KLF12: variants seen among roughly 807,000 people sequenced by gnomAD.
KLF12 encodes Krueppel-like factor 12.
In KLF12, 9 loss-of-function variants were observed where a neutral mutation model predicts 37.8. The ratio of observed to expected loss-of-function variants is 0.24; its 90% CI spans 0.14 to 0.42. KLF12 has a LOEUF of 0.42. Ranked by LOEUF, KLF12 falls within the 10% of genes least tolerant of loss-of-function variation. KLF12 has a pLI of 1.00. For synonymous variants in KLF12, 208 were observed against 202.1 expected (o/e 1.03, Z -0.25); for missense variants, 411 against 516.0 (o/e 0.80, Z 1.97).
intron 5 of KLF12, among the ~76,000 whole-genome samples, chr13:73,783,320 G>T (rs1348328608): frequency 6.6e-6 from 1 of 152,118 alleles, no homozygotes; most frequent in Admixed American, 6.6e-5. Context: ...ACCAGAGGCT[G>T]GGAAGGGAGT....
At chr13:73,884,173 C>A (rs192433652) in intron 3 of KLF12, among the ~76,000 whole-genome samples, 1 of 152,240 alleles carries the variant, frequency 6.6e-6, no homozygotes, top group African/African-American at 2.4e-5. Flanking sequence ...ATTAACAGTA[C>A]CTGCCCTCCT....
intron 3 of KLF12, among the ~76,000 whole-genome samples, chr13:73,902,072 T>C (rs1888066883): frequency 6.6e-6 from 1 of 152,228 alleles, no homozygotes; most frequent in Non-Finnish European, 1.5e-5. Flanking sequence ...AATGTGCTGA[T>C]TTTAAAGGCC....
chr13:74,245,932 G>A, the KLF12 span, among the ~76,000 whole-genome samples: 475 of 152,272 alleles, frequency 3.1e-3, 3 homozygotes, highest in African/African-American at 0.011. Context: ...TGATCGCATG[G>A]CAAAGCTGAG....
At chr13:73,843,459 C>A (rs1004640446) in intron 4 of KLF12, among the ~76,000 whole-genome samples, 6 of 152,104 alleles carry the variant, frequency 3.9e-5, no homozygotes, top group Non-Finnish European at 7.4e-5. Context: ...AGGCGTGCGC[C>A]ACCACCCCTG....
At chr13:74,126,174 G>C (rs1877931187) in intron 1 of KLF12, among the ~76,000 whole-genome samples, 1 of 152,014 alleles carries the variant, frequency 6.6e-6, no homozygotes, top group Non-Finnish European at 1.5e-5. Context: ...TATATTAAAT[G>C]ATACAAATAC....
chr13:74,237,870 T>C, the KLF12 span, among the ~76,000 whole-genome samples: 5 of 152,182 alleles, frequency 3.3e-5, no homozygotes, highest in Non-Finnish European at 7.3e-5. Context: ...AGATATACAA[T>C]CATGTGGTCT....
chr13:74,101,148 G>A (rs1446675658), intron 1 of KLF12, among the ~76,000 whole-genome samples: 1 of 152,068 alleles, frequency 6.6e-6, no homozygotes, highest in East Asian at 1.9e-4. Context: ...CCACCTCCCT[G>A]CAAGCCACGA....
At chr13:73,929,332 CA>C (rs1889555021) in intron 3 of KLF12, among the ~76,000 whole-genome samples, 1 of 152,092 alleles carries the variant, frequency 6.6e-6, no homozygotes, top group African/African-American at 2.4e-5. Flanking sequence ...TTTACTTTCC[CA>C]GAAACTCCAT....
At chr13:73,936,216 G>A (rs886178979) in intron 3 of KLF12, among the ~76,000 whole-genome samples, 2 of 152,148 alleles carry the variant, frequency 1.3e-5, no homozygotes, top group African/African-American at 2.4e-5. Flanking sequence ...GCACTAGATC[G>A]TGTATTCTTT....
At chr13:74,208,339 T>C in the KLF12 span, among the ~76,000 whole-genome samples, 1 of 152,210 alleles carries the variant, frequency 6.6e-6, no homozygotes, top group Non-Finnish European at 1.5e-5. Flanking sequence ...TTCAGAATGC[T>C]GCAATATGGT....
chr13:74,253,656 T>C, the KLF12 span, among the ~76,000 whole-genome samples: 1 of 152,240 alleles, frequency 6.6e-6, no homozygotes, highest in African/African-American at 2.4e-5. Context: ...CTTGCCAGCC[T>C]GTTAGAGCAC....
chr13:74,000,115 T>G (rs1892235067), intron 1 of KLF12, among the ~76,000 whole-genome samples: 2 of 152,126 alleles, frequency 1.3e-5, no homozygotes, highest in Non-Finnish European at 2.9e-5. Flanking sequence ...TACCAGAATG[T>G]CTGGTATATA....
At chr13:74,241,271 G>A in the KLF12 span, among the ~76,000 whole-genome samples, 153 of 152,306 alleles carry the variant, frequency 1.0e-3, no homozygotes, top group South Asian at 1.7e-3. Context: ...TCAGGGGTCA[G>A]GGACCCACTT....
At chr13:74,074,393 A>G (rs375309151) in intron 1 of KLF12, among the ~76,000 whole-genome samples, 1 of 152,276 alleles carries the variant, frequency 6.6e-6, no homozygotes, top group African/African-American at 2.4e-5. Flanking sequence ...AAACCTGCAG[A>G]AGGTCTCCTG....
intron 1 of KLF12, among the ~76,000 whole-genome samples, chr13:74,091,901 T>C (rs1875685628): frequency 6.6e-6 from 1 of 152,040 alleles, no homozygotes; most frequent in Non-Finnish European, 1.5e-5. Flanking sequence ...AAGGAGGTTA[T>C]GCATGTGTGG....
chr13:73,974,497 A>G (rs542467828), intron 2 of KLF12, among the ~76,000 whole-genome samples: 8 of 152,328 alleles, frequency 5.3e-5, no homozygotes, highest in Non-Finnish European at 8.8e-5. Context: ...TTTTGACTAT[A>G]AAAGAAAATA....
chr13:74,044,971 C>T (rs916335968), intron 1 of KLF12, among the ~76,000 whole-genome samples: 25 of 151,898 alleles, frequency 1.6e-4, no homozygotes, highest in East Asian at 1.9e-4. Flanking sequence ...TGAATCCACA[C>T]TGATATAAAA....
intron 2 of KLF12, among the ~76,000 whole-genome samples, chr13:73,950,236 A>G (rs1237804696): frequency 6.6e-6 from 1 of 152,212 alleles, no homozygotes; most frequent in Non-Finnish European, 1.5e-5. Flanking sequence ...ACTAGCCATG[A>G]AAAGCAGATG....
intron 1 of KLF12, among the ~76,000 whole-genome samples, chr13:74,014,830 T>C (rs2138386531): frequency 6.6e-6 from 1 of 152,262 alleles, no homozygotes; most frequent in Non-Finnish European, 1.5e-5. Flanking sequence ...TTTGAATGTG[T>C]TTTTCCTCAC....
Sources: gnomAD v4.1 joint callset for allele counts (sites outside exome capture counted in the v4.1 genomes callset) on GRCh38, gnomAD v4.1.1 for gene constraint, MANE v1.5 for transcripts, NCBI Gene and HGNC (gene_info 2026-07-23, HGNC 2026-07-21) for gene names.